The following HEMGN variants were observed in gnomAD, a reference collection of about 807,000 sequenced individuals.
HEMGN encodes the protein hemogen, also known as erythroid differentiation-associated gene protein.
HEMGN carries 32 observed loss-of-function variants against 45.7 expected under a neutral mutation model. The ratio of observed to expected loss-of-function variants is 0.70; its 90% confidence interval spans 0.53 to 0.94. The LOEUF (loss-of-function observed/expected upper bound fraction) is 0.94. Among genes scored for constraint, HEMGN ranks in the 40% least tolerant of loss-of-function variants. HEMGN has a pLI of 0.00. For synonymous variants in HEMGN, 183 were observed against 178.6 expected, an observed-to-expected ratio of 1.02 and a Z score of -0.20; for missense variants, 530 against 564.2, an observed-to-expected ratio of 0.94 and a Z score of 0.61.
At chr9:97,931,856 A>G (rs932417437) in intron 2 of HEMGN, among the ~76,000 whole-genome samples, 7 of 152,238 alleles carry the variant, frequency 4.6e-5, no homozygotes, top group African/African-American at 1.7e-4. Context: ...ATGAGTGGCC[A>G]TATTATACCT....
At chr9:97,934,172 C>T (rs1292696205) in intron 2 of HEMGN, among the ~76,000 whole-genome samples, 1 of 152,030 alleles carries the variant, frequency 6.6e-6, no homozygotes, top group African/African-American at 2.4e-5. Context: ...CATGGCGAAA[C>T]CCCGTCTCTA....
chr9:97,944,578 A>G (rs985204020), intron 1 of HEMGN, among the ~76,000 whole-genome samples: 2 of 152,148 alleles, frequency 1.3e-5, no homozygotes, highest in Non-Finnish European at 1.5e-5. Flanking sequence ...CTGCACAAAC[A>G]TCCAGAATAT....
In HEMGN at chr9:97,927,365, A is replaced by C. The variant is rs1229334033; in HGVS notation, c.*19T>G. 7.0e-7 allele frequency: 1 copy of C among 1,434,974 alleles called. No homozygotes were observed. Among genetic ancestry groups the C allele is most frequent in the Admixed American group, 1.8e-5 (1 of 56,970 alleles). 88.9% of individuals were successfully genotyped at this position (1,434,974 alleles called of 1,614,324 possible). ...AAGCTGTATGTTCCATTGGACCACA[A>C]CTTTATGGTTGAGCATTGTTAAAAC... On this transcript the variant is annotated 3_prime_UTR_variant, in exon 4 of 4. Transcript: ENST00000616898.
At chr9:97,932,259 T>G (rs778273662) in intron 2 of HEMGN, among the ~76,000 whole-genome samples, 1 of 152,176 alleles carries the variant, frequency 6.6e-6, no homozygotes, top group Non-Finnish European at 1.5e-5. Flanking sequence ...TAAAAACCAG[T>G]GTTTTTTACA....
intron 2 of HEMGN, among the ~76,000 whole-genome samples, chr9:97,935,183 A>G (rs1245821467): frequency 2.0e-5 from 3 of 152,158 alleles, no homozygotes; most frequent in Admixed American, 1.3e-4. Flanking sequence ...TCTCCTATTT[A>G]TCAATCGTAT....
At chr9:97,938,581 T>C (rs1412288098), upstream of HEMGN, among the ~76,000 whole-genome samples, 1 of 152,208 alleles carries the variant, frequency 6.6e-6, no homozygotes, top group East Asian at 1.9e-4. Context: ...CCCTTTTCTA[T>C]GACTCTCTGC....
At chr9:97,942,844 C>T (rs948502450), upstream of HEMGN, among the ~76,000 whole-genome samples, 12 of 152,082 alleles carry the variant, frequency 7.9e-5, no homozygotes, top group Admixed American at 3.3e-4. Context: ...AAAAACAAGA[C>T]GGGGTAAAAG....
intron 2 of HEMGN, among the ~76,000 whole-genome samples, chr9:97,934,609 C>T (rs1330242787): frequency 6.6e-6 from 1 of 152,030 alleles, no homozygotes; most frequent in Non-Finnish European, 1.5e-5. Context: ...AGACCTGCCA[C>T]AGGACCCTAA....
At chr9:97,942,274 C>CTTTTTTTTTTT (rs56055830), upstream of HEMGN, among the ~76,000 whole-genome samples, 7 of 128,188 alleles carry the variant, frequency 5.5e-5, no homozygotes, top group Non-Finnish European at 4.9e-5. Flanking sequence ...CTAATTCCTT[C>CTTTTTTTTTTT]TTTTTTTTTT....
rs1428575389 is a variant in HEMGN at position 97,930,591 on chromosome 9, T to C, written c.804A>G (p.Lys268=). 1 of 1,614,178 alleles carries C rather than the reference T, an allele frequency of 6.2e-7. No homozygotes were observed. ...TTTGGTCTGTGTCAAGAATATAGCC[T>C]TTAGGCACATCTGGTTTTGGATATG... ...LQAYPKPDVP[K]GYILDTDQNP... Residue 268 remains lysine, a synonymous_variant, in exon 3 of 4, where the codon AAA becomes AAG. Transcript: ENST00000616898.
At chr9:97,931,504 G>A (rs559613548) in intron 2 of HEMGN, among the ~76,000 whole-genome samples, 10 of 152,314 alleles carry the variant, frequency 6.6e-5, no homozygotes, top group South Asian at 6.2e-4. Context: ...GCGTGCGTGC[G>A]TGTGTTATAG....
In HEMGN at chr9:97,930,643, G is replaced by A. The variant is rs374570190; in HGVS notation, c.752C>T (p.Ala251Val). Residue 251 changes from alanine (A) to valine (V), a missense_variant, in exon 3 of 4, where the codon GCT becomes GTT. Transcript: ENST00000616898. ...TTGAAGAGAGCATCCTGCCAGATCA[G>A]CTGTGTCTTCAGATGTTGGACAAGG... ...ILPCPTSEDT[A>V]DLAGCSLQAY... is the part of the protein sequence containing the mutation. 6.2e-7 allele frequency: 1 copy of A among 1,614,028 alleles called. No homozygotes were observed. The highest frequency in any genetic ancestry group is 1.3e-5 in the African/African-American group (1 of 74,926).
upstream of HEMGN, among the ~76,000 whole-genome samples, chr9:97,941,383 G>T (rs192204674): frequency 4.3e-4 from 65 of 152,252 alleles, no homozygotes; most frequent in African/African-American, 1.5e-3. Flanking sequence ...TGAGTGAGAT[G>T]GGTAGTCATG....
intron 3 of HEMGN, among the ~76,000 whole-genome samples, chr9:97,929,513 A>G (rs1251759183): frequency 2.0e-5 from 3 of 152,232 alleles, no homozygotes; most frequent in Non-Finnish European, 2.9e-5. Flanking sequence ...TATACTTAGG[A>G]AAAAGTTTTT....
At position 97,936,194 on chromosome 9, in the gene HEMGN, C is replaced by T. The variant is rs2131556343; in HGVS notation, c.150G>A (p.Lys50=). 1.9e-6 allele frequency: 3 copies of T among 1,612,730 alleles called. No individual in the cohort carries two copies. Among genetic ancestry groups the T allele is most frequent in the African/African-American group, 1.3e-5 (1 of 75,016 alleles). ...ACCCAAATAGCCATTGTGATGTTTCCTTTTCATGCACTTCAGCTTTTCTTT... is the reference window on the plus strand; with the variant it reads ...ACCCAAATAGCCATTGTGATGTTTCTTTTTCATGCACTTCAGCTTTTCTTT... ...LRKRKAEVHE[K]ETSQWLFGEQ... The change falls in exon 2 of 4, where the codon AAG becomes AAA. Residue 50 remains lysine (K), a synonymous_variant. Transcript: ENST00000616898.
At chr9:97,936,981 G>A (rs1827073120) in intron 1 of HEMGN, among the ~76,000 whole-genome samples, 1 of 152,138 alleles carries the variant, frequency 6.6e-6, no homozygotes, top group Non-Finnish European at 1.5e-5. Context: ...GAGAAAAATT[G>A]ATGAGTCTTT....
chr9:97,928,573 T>G (rs1826877087), intron 3 of HEMGN, among the ~76,000 whole-genome samples: 1 of 152,218 alleles, frequency 6.6e-6, no homozygotes, highest in South Asian at 2.1e-4. Context: ...TGCCTCCATT[T>G]CCTTATATTT....
At chr9:97,937,851 C>T (rs1347788873) in intron 1 of HEMGN, among the ~76,000 whole-genome samples, 1 of 152,114 alleles carries the variant, frequency 6.6e-6, no homozygotes, top group Non-Finnish European at 1.5e-5. Flanking sequence ...TCTTTCCAAA[C>T]GTTAGACCAA....
intron 1 of HEMGN, among the ~76,000 whole-genome samples, chr9:97,943,517 A>ATGTT (rs1827180942): frequency 1.3e-5 from 2 of 152,198 alleles, no homozygotes; most frequent in Admixed American, 6.5e-5. Flanking sequence ...CATGTTCTAT[A>ATGTT]ACTTAGAATG....
Sources: allele counts gnomAD v4.1 joint callset (sites outside exome capture counted in the v4.1 genomes callset), GRCh38; gene constraint gnomAD v4.1.1; transcripts MANE v1.5; gene names NCBI Gene and HGNC (gene_info 2026-07-23, HGNC 2026-07-21).